MMP26: variants seen among roughly 807,000 people sequenced by gnomAD.
MMP26 encodes matrix metallopeptidase 26, also known as matrix metalloproteinase-26.
In MMP26, 33 loss-of-function variants were observed where a neutral mutation model predicts 31.0. The ratio of observed to expected loss-of-function variants is 1.06; its 90% CI spans 0.81 to 1.42. The LOEUF (loss-of-function observed/expected upper bound fraction) is 1.42. Ranked by LOEUF, MMP26 falls within the 40% of genes most tolerant of loss-of-function variation. The pLI is 0.00. For missense variants in MMP26, 347 were observed against 316.1 expected, an observed-to-expected ratio of 1.10 and a Z score of -0.74; for synonymous variants, 122 against 114.9, an observed-to-expected ratio of 1.06 and a Z score of -0.40.
chr11:4,804,829 G>C (rs965403447), intron 2 of MMP26, among the ~76,000 whole-genome samples: 1 of 151,314 alleles, frequency 6.6e-6, no homozygotes, highest in Non-Finnish European at 1.5e-5. Flanking sequence ...CATTAGCCAG[G>C]CATGGTAGAG....
At chr11:4,725,098 T>C (rs934678394) in intron 1 of MMP26, among the ~76,000 whole-genome samples, 1 of 152,172 alleles carries the variant, frequency 6.6e-6, no homozygotes, top group African/African-American at 2.4e-5. Flanking sequence ...TTGCTCCTTC[T>C]TCAGCCATGT....
chr11:4,824,164 A>G (rs181505834), intron 2 of MMP26, among the ~76,000 whole-genome samples: 24 of 152,222 alleles, frequency 1.6e-4, no homozygotes, highest in African/African-American at 4.6e-4. Context: ...TGGGTACTGT[A>G]TACATGAAGT....
chr11:4,813,763 T>C (rs1219995772), intron 2 of MMP26, among the ~76,000 whole-genome samples: 1 of 152,078 alleles, frequency 6.6e-6, no homozygotes, highest in Non-Finnish European at 1.5e-5. Context: ...AGATTTCTTA[T>C]ACAGGACACA....
In MMP26 at chr11:4,934,915, G is replaced by A. The variant is rs544098082; in HGVS notation, c.-144-53153G>A. Reference sequence around the variant, plus strand: ...ATGCGGCGTTATTTCTGAGGGCTCCGTTCTGTTCCATTGATCTATATCTCT... The same window carrying A: ...ATGCGGCGTTATTTCTGAGGGCTCCATTCTGTTCCATTGATCTATATCTCT... On this transcript the variant is annotated intron_variant, in intron 2 of 7. Coordinates refer to ENST00000380390, the MANE Select transcript of MMP26 (RefSeq NM_021801.5). 1.2e-3 allele frequency among the ~76,000 whole-genome samples: 181 copies of A among 151,568 alleles called. 3 individuals are homozygous for A. Among genetic ancestry groups the A allele is most frequent in the South Asian group, 9.6e-3 (46 of 4,794 alleles).
intron 2 of MMP26, among the ~76,000 whole-genome samples, chr11:4,957,595 C>T (rs1204036510): frequency 2.0e-5 from 3 of 152,112 alleles, no homozygotes; most frequent in Admixed American, 1.3e-4. Flanking sequence ...TAAAACTCCA[C>T]CTTACACTCC....
intron 2 of MMP26, among the ~76,000 whole-genome samples, chr11:4,890,779 G>A (rs1330359101): frequency 1.3e-5 from 2 of 151,996 alleles, no homozygotes; most frequent in Admixed American, 6.6e-5. Flanking sequence ...GTCAGATCTT[G>A]ACTGACAAAG....
At chr11:4,787,111 A>G (rs1300379137) in intron 2 of MMP26, 1 of 153,454 alleles carries the variant, frequency 6.5e-6, no homozygotes, top group East Asian at 1.9e-4. Flanking sequence ...ACTGATGGCC[A>G]TGGCTTTTGA....
intron 2 of MMP26, chr11:4,832,217 A>G (rs950228056): frequency 6.3e-5 from 12 of 191,054 alleles, no homozygotes; most frequent in African/African-American, 2.6e-4. Flanking sequence ...ACACATTTGG[A>G]TCTCTATCCC....
At chr11:4,783,158 C>T (rs935555428) in intron 2 of MMP26, among the ~76,000 whole-genome samples, 1 of 152,336 alleles carries the variant, frequency 6.6e-6, no homozygotes, top group East Asian at 1.9e-4. Flanking sequence ...TTGCACCGTG[C>T]TCCTGGAAAA....
intron 2 of MMP26, among the ~76,000 whole-genome samples, chr11:4,849,419 A>G (rs1406863649): frequency 1.3e-5 from 2 of 152,032 alleles, no homozygotes; most frequent in Non-Finnish European, 2.9e-5. Context: ...CTTGCCTTTG[A>G]GGTTTTTCTA....
intron 2 of MMP26, among the ~76,000 whole-genome samples, chr11:4,985,874 C>T (rs1024551906): frequency 6.6e-6 from 1 of 152,140 alleles, no homozygotes; most frequent in Admixed American, 6.5e-5. Context: ...TGCTCCTTTA[C>T]CAACAATCCC....
intron 2 of MMP26, among the ~76,000 whole-genome samples, chr11:4,881,235 G>T (rs913745961): frequency 1.3e-5 from 2 of 152,016 alleles, no homozygotes; most frequent in Non-Finnish European, 2.9e-5. Flanking sequence ...AGCAGCAAAC[G>T]GAACCACTGT....
intron 2 of MMP26, among the ~76,000 whole-genome samples, chr11:4,911,855 G>A (rs1438859511): frequency 1.3e-5 from 2 of 152,148 alleles, no homozygotes; most frequent in Non-Finnish European, 1.5e-5. Context: ...TGTAAGTCAG[G>A]AGAACAGGTT....
chr11:4,725,086 C>G (rs1848080463), intron 1 of MMP26, among the ~76,000 whole-genome samples: 1 of 152,124 alleles, frequency 6.6e-6, no homozygotes, highest in Non-Finnish European at 1.5e-5. Context: ...GGCACCTCCC[C>G]CTTGCTCCTT....
At chr11:4,923,964 C>T (rs750382799) in intron 2 of MMP26, 23 of 1,613,900 alleles carry the variant, frequency 1.4e-5, no homozygotes, top group Middle Eastern at 3.3e-4. Context: ...CAGACGGCCA[C>T]GTAGCGGTCA....
At chr11:4,907,505 C>T (rs1345563467) in intron 2 of MMP26, 9 of 1,614,054 alleles carry the variant, frequency 5.6e-6, no homozygotes, top group Middle Eastern at 1.7e-4. Flanking sequence ...CTGCACCATT[C>T]TCTTTATTAT....
intron 2 of MMP26, among the ~76,000 whole-genome samples, chr11:4,789,587 C>T (rs981310886): frequency 2.6e-5 from 3 of 115,336 alleles, no homozygotes; most frequent in Non-Finnish European, 1.6e-5. Context: ...TGTCACCAGG[C>T]TGGATTGCAG....
chr11:4,834,901 T>C (rs1321348936), intron 2 of MMP26, among the ~76,000 whole-genome samples: 2 of 152,098 alleles, frequency 1.3e-5, no homozygotes, highest in African/African-American at 2.4e-5. Flanking sequence ...TTTGTCTATA[T>C]ATATATAAAA....
intron 1 of MMP26, among the ~76,000 whole-genome samples, chr11:4,733,594 T>C (rs895139365): frequency 6.6e-6 from 1 of 152,184 alleles, no homozygotes; most frequent in Non-Finnish European, 1.5e-5. Flanking sequence ...TAGAAAATTC[T>C]TAGAATTTTC....
Sources: gnomAD v4.1 joint callset for allele counts (sites outside exome capture counted in the v4.1 genomes callset) on GRCh38, gnomAD v4.1.1 for gene constraint, MANE v1.5 for transcripts, NCBI Gene and HGNC (gene_info 2026-07-23, HGNC 2026-07-21) for gene names.